The following RALGPS1 variants were observed in gnomAD, a reference collection of about 807,000 sequenced individuals.
The protein encoded by RALGPS1 is ras-specific guanine nucleotide-releasing factor RalGPS1.
A neutral mutation model predicts 78.8 loss-of-function variants in RALGPS1; 19 were observed. That is an observed-to-expected ratio of 0.24 (90% CI 0.17 to 0.35). The LOEUF is 0.35. Among genes scored for constraint, RALGPS1 ranks in the 10% least tolerant of loss-of-function variants. RALGPS1 has a pLI of 1.00. For missense variants in RALGPS1, 454 were observed against 688.3 expected (o/e 0.66, Z 3.81); for synonymous variants, 228 against 256.3 (o/e 0.89, Z 1.06).
At chr9:127,207,430 A>G (rs1321340270) in intron 14 of RALGPS1, among the ~76,000 whole-genome samples, 1 of 152,200 alleles carries the variant, frequency 6.6e-6, no homozygotes. Context: ...GTTCAGCCAC[A>G]GGTTCTCAGA....
At chr9:127,111,021 G>A (rs1164708778) in intron 8 of RALGPS1, among the ~76,000 whole-genome samples, 1 of 152,056 alleles carries the variant, frequency 6.6e-6, no homozygotes, top group Non-Finnish European at 1.5e-5. Context: ...CATCTTGGAG[G>A]AAAAGCTAGT....
chr9:127,117,866 A>G (rs2055598931), intron 8 of RALGPS1, among the ~76,000 whole-genome samples: 2 of 152,224 alleles, frequency 1.3e-5, no homozygotes, highest in African/African-American at 2.4e-5. Flanking sequence ...GTCCTCAGGC[A>G]TCTCTTGAAG....
chr9:127,083,100 G>T (rs1205810540), intron 8 of RALGPS1, among the ~76,000 whole-genome samples: 1 of 152,192 alleles, frequency 6.6e-6, no homozygotes, highest in African/African-American at 2.4e-5. Context: ...TATGGTCCTG[G>T]AGAGGATGGG....
At chr9:126,947,345 A>C (rs1322016142) in intron 1 of RALGPS1, among the ~76,000 whole-genome samples, 1 of 152,178 alleles carries the variant, frequency 6.6e-6, no homozygotes, top group Non-Finnish European at 1.5e-5. Context: ...GAAAATCTGA[A>C]ATAAAAATGC....
chr9:127,008,764 G>A (rs962780747), intron 4 of RALGPS1, among the ~76,000 whole-genome samples: 14 of 152,292 alleles, frequency 9.2e-5, no homozygotes, highest in African/African-American at 3.4e-4. Context: ...GTAAAATGGT[G>A]AAAATAATTG....
intron 1 of RALGPS1, among the ~76,000 whole-genome samples, chr9:126,928,164 T>C (rs2035472364): frequency 6.6e-6 from 1 of 152,198 alleles, no homozygotes; most frequent in Admixed American, 6.5e-5. Flanking sequence ...GGGAAACTGA[T>C]CTGTGATCCA....
chr9:127,139,256 C>G (rs2057607709), intron 8 of RALGPS1, among the ~76,000 whole-genome samples: 1 of 152,210 alleles, frequency 6.6e-6, no homozygotes, highest in Non-Finnish European at 1.5e-5. Context: ...TCTTCAGAAG[C>G]TGCTGACCTG....
At chr9:127,043,936 AT>A (rs1396922541) in intron 5 of RALGPS1, among the ~76,000 whole-genome samples, 2 of 152,236 alleles carry the variant, frequency 1.3e-5, no homozygotes, top group African/African-American at 4.8e-5. Flanking sequence ...GATAACACCA[AT>A]TGCCGTCAAA....
chr9:127,066,129 A>G (rs1034412285), intron 7 of RALGPS1, among the ~76,000 whole-genome samples: 83 of 152,312 alleles, frequency 5.4e-4, no homozygotes, highest in African/African-American at 1.9e-3. Context: ...CTGGGCAGGT[A>G]GGCTGGGCAT....
intron 8 of RALGPS1, among the ~76,000 whole-genome samples, chr9:127,123,213 A>G (rs1010582367): frequency 6.6e-6 from 1 of 152,212 alleles, no homozygotes; most frequent in Non-Finnish European, 1.5e-5. Context: ...GGCTGTCCAC[A>G]CAGAAGCTGT....
rs575846633 is a variant in RALGPS1, at chr9:126,921,917, A to G, written c.-66+6942A>G. Among the ~76,000 whole-genome samples, 30 of 152,300 alleles carry G rather than the reference A, an allele frequency of 2.0e-4. 1 individual carries two copies. In the South Asian group the frequency reaches 6.0e-3, roughly 30 times the overall value. ...TTAGGATGCTTTTCTCAGGGTATTA[A>G]TGTATTGTCTGTGGAAGTTATATGA... On this transcript the variant is annotated intron_variant, in intron 1 of 18. Coordinates refer to ENST00000259351, the MANE Select transcript of RALGPS1 (RefSeq NM_014636.3).
chr9:127,041,843 C>T (rs970159150), intron 5 of RALGPS1, among the ~76,000 whole-genome samples: 2 of 152,150 alleles, frequency 1.3e-5, no homozygotes, highest in African/African-American at 4.8e-5. Context: ...GTGCAGGGCC[C>T]AAGGGATGGA....
At chr9:127,098,359 C>G (rs1349077539) in intron 8 of RALGPS1, among the ~76,000 whole-genome samples, 1 of 152,224 alleles carries the variant, frequency 6.6e-6, no homozygotes, top group Non-Finnish European at 1.5e-5. Flanking sequence ...CCAACACTAA[C>G]TCGGCAGCAC....
intron 5 of RALGPS1, among the ~76,000 whole-genome samples, chr9:127,043,231 A>G (rs1339286522): frequency 1.3e-5 from 2 of 152,248 alleles, no homozygotes; most frequent in Admixed American, 6.5e-5. Flanking sequence ...GTAAAGCTAC[A>G]GTTATCAAGA....
chr9:127,017,696 A>C (rs1474403140), intron 4 of RALGPS1, among the ~76,000 whole-genome samples: 1 of 152,166 alleles, frequency 6.6e-6, no homozygotes, highest in Non-Finnish European at 1.5e-5. Flanking sequence ...CTGTACAAAA[A>C]TATTTTCTTT....
At chr9:127,077,006 G>A (rs1371916694) in intron 8 of RALGPS1, among the ~76,000 whole-genome samples, 1 of 152,178 alleles carries the variant, frequency 6.6e-6, no homozygotes, top group African/African-American at 2.4e-5. Flanking sequence ...TGAGGGGGAA[G>A]GTGTCATGTG....
At chr9:127,169,885 C>G (rs1161115747) in intron 10 of RALGPS1, among the ~76,000 whole-genome samples, 1 of 152,128 alleles carries the variant, frequency 6.6e-6, no homozygotes, top group Non-Finnish European at 1.5e-5. Flanking sequence ...CTAGGCTAAG[C>G]TATGGTGTTC....
At chr9:126,916,626 AC>A (rs929243295) in intron 1 of RALGPS1, among the ~76,000 whole-genome samples, 17 of 152,296 alleles carry the variant, frequency 1.1e-4, no homozygotes, top group African/African-American at 3.4e-4. Flanking sequence ...ACTAAAAAAT[AC>A]AAAAGTCAGC....
chr9:126,987,217 A>G (rs970785501), intron 4 of RALGPS1, among the ~76,000 whole-genome samples: 1 of 152,082 alleles, frequency 6.6e-6, no homozygotes, highest in African/African-American at 2.4e-5. Flanking sequence ...CTGGACCAAG[A>G]CATACACCAT....
Sources: gnomAD v4.1 joint callset for allele counts (sites outside exome capture counted in the v4.1 genomes callset) on GRCh38, gnomAD v4.1.1 for gene constraint, MANE v1.5 for transcripts, NCBI Gene and HGNC (gene_info 2026-07-23, HGNC 2026-07-21) for gene names.